Variants in IFT88 observed in about 807,000 individuals in gnomAD.
IFT88 encodes the protein intraflagellar transport protein 88 homolog.
Under a neutral mutation model 119.5 loss-of-function variants are expected in IFT88, and 74 were observed. That is an observed-to-expected ratio of 0.62 (90% CI 0.51 to 0.75). The LOEUF (loss-of-function observed/expected upper bound fraction) is 0.75. Ranked by LOEUF, IFT88 falls within the 30% of genes least tolerant of loss-of-function variation. The probability of loss-of-function intolerance (pLI) is 0.00; values close to 1 mark genes in which losing one functional copy is unlikely to be tolerated. For synonymous variants in IFT88, 279 were observed against 316.7 expected (o/e 0.88, Z 1.26); for missense variants, 961 against 977.7 (o/e 0.98, Z 0.23).
At chr13:20,626,250 T>C (rs574565900) in intron 15 of IFT88, among the ~76,000 whole-genome samples, 3 of 151,916 alleles carry the variant, frequency 2.0e-5, no homozygotes, top group East Asian at 1.9e-4. Flanking sequence ...TTAATACAGA[T>C]GGGGTTTCAC....
chr13:20,681,231 G>A (rs1050972340), intron 24 of IFT88, among the ~76,000 whole-genome samples: 1 of 152,232 alleles, frequency 6.6e-6, no homozygotes, highest in African/African-American at 2.4e-5. Context: ...TGACCGTGAA[G>A]CGTTGCAGAA....
chr13:20,675,774 T>G (rs774092983), intron 24 of IFT88, among the ~76,000 whole-genome samples: 8 of 152,374 alleles, frequency 5.3e-5, no homozygotes, highest in African/African-American at 1.9e-4. Flanking sequence ...TATATGAGTT[T>G]TATATGTCAC....
intron 16 of IFT88, 113 bp downstream of exon 16, chr13:20,631,215 G>A: frequency 1.4e-6 from 1 of 729,178 alleles, no homozygotes; most frequent in Non-Finnish European, 2.4e-6. Flanking sequence ...AGAATGGTAA[G>A]TGGACTGAGG....
chr13:20,641,436 C>A (rs759209476), intron 18 of IFT88, 38 bp downstream of exon 18: 9 of 1,216,374 alleles, frequency 7.4e-6, no homozygotes, highest in Non-Finnish European at 1.1e-5. Context: ...GTTATTAATT[C>A]TCTCAATTGG....
At chr13:20,643,788 C>T (rs947851259) in intron 19 of IFT88, among the ~76,000 whole-genome samples, 183 bp downstream of exon 19, 2 of 152,206 alleles carry the variant, frequency 1.3e-5, no homozygotes, top group Non-Finnish European at 2.9e-5. Context: ...GAGTCTTGCT[C>T]TGTCGCCCAG....
intron 17 of IFT88, among the ~76,000 whole-genome samples, chr13:20,638,968 A>G (rs2049445266): frequency 1.3e-5 from 2 of 152,296 alleles, no homozygotes; most frequent in South Asian, 4.1e-4. Context: ...ACATTTTGCC[A>G]TCTTTACTTC....
At chr13:20,623,563 C>G (rs943642713) in intron 14 of IFT88, among the ~76,000 whole-genome samples, 4 of 152,132 alleles carry the variant, frequency 2.6e-5, no homozygotes, top group African/African-American at 9.7e-5. Context: ...CAAGCTCCGC[C>G]TCCCGGGTTC....
chr13:20,578,034 C>CTTTTTTTTTTTTTTTTTTTTTTTT (rs57202566), intron 2 of IFT88, among the ~76,000 whole-genome samples: 1 of 55,872 alleles, frequency 1.8e-5, no homozygotes, highest in African/African-American at 6.5e-5. Context: ...CTTGTTACTT[C>CTTTTTTTTTTTTTTTTTTTTTTTT]TTTTTTTTTT....
chr13:20,584,058 A>G (rs1427041839), intron 3 of IFT88, among the ~76,000 whole-genome samples: 2 of 152,130 alleles, frequency 1.3e-5, no homozygotes, highest in African/African-American at 4.8e-5. Flanking sequence ...AAAATCAGGA[A>G]ATGTGAACCT....
At chr13:20,662,768 T>G (rs1043219627) in intron 22 of IFT88, among the ~76,000 whole-genome samples, 3 of 152,238 alleles carry the variant, frequency 2.0e-5, no homozygotes, top group Non-Finnish European at 4.4e-5. Flanking sequence ...TTGCATGTTT[T>G]TAAAATGTTG....
intron 3 of IFT88, among the ~76,000 whole-genome samples, chr13:20,587,840 G>A (rs901618134): frequency 7.3e-5 from 11 of 151,568 alleles, no homozygotes; most frequent in East Asian, 1.9e-4. Context: ...CAACTTTTCC[G>A]TATCAATTTA....
intron 20 of IFT88, 88 bp downstream of exon 20, chr13:20,645,046 A>G: frequency 1.7e-6 from 1 of 581,308 alleles, no homozygotes; most frequent in Non-Finnish European, 3.1e-6. Flanking sequence ...AGACCTAGTA[A>G]ATTCAAGAAC....
intron 24 of IFT88, among the ~76,000 whole-genome samples, chr13:20,690,024 T>C (rs2058327028): frequency 6.6e-6 from 1 of 152,186 alleles, no homozygotes; most frequent in African/African-American, 2.4e-5. Context: ...AGACTTACTA[T>C]TTTGGGTCAG....
At chr13:20,597,197 A>C in intron 9 of IFT88, 78 bp downstream of exon 9, 1 of 670,276 alleles carries the variant, frequency 1.5e-6, no homozygotes, top group Non-Finnish European at 2.4e-6. Flanking sequence ...TTTTTCTTTT[A>C]TTTTTAAAAT....
At chr13:20,577,117 T>G (rs1004264653) in intron 2 of IFT88, among the ~76,000 whole-genome samples, 10 of 152,248 alleles carry the variant, frequency 6.6e-5, no homozygotes, top group African/African-American at 2.4e-4. Context: ...TTAATTTTAT[T>G]CGTAGATATT....
chr13:20,624,868 C>G (rs563452649), intron 14 of IFT88, among the ~76,000 whole-genome samples: 1 of 152,074 alleles, frequency 6.6e-6, no homozygotes, highest in Non-Finnish European at 1.5e-5. Context: ...AAATCCTATG[C>G]ATTACCACAC....
intron 1 of IFT88, among the ~76,000 whole-genome samples, chr13:20,569,385 A>G (rs1018825658): frequency 6.6e-6 from 1 of 151,418 alleles, no homozygotes; most frequent in African/African-American, 2.4e-5. Context: ...CATCCTGGCT[A>G]ACACGGTGAA....
chr13:20,636,423 A>G (rs2049024947), intron 16 of IFT88, among the ~76,000 whole-genome samples: 2 of 152,174 alleles, frequency 1.3e-5, no homozygotes, highest in East Asian at 1.9e-4. Context: ...CCTGCAAACT[A>G]AACAGTTCTC....
At chr13:20,574,939 G>A (rs1830307784) in intron 2 of IFT88, among the ~76,000 whole-genome samples, 1 of 151,968 alleles carries the variant, frequency 6.6e-6, no homozygotes, top group Non-Finnish European at 1.5e-5. Context: ...GTTACATCAA[G>A]CATTTATCCT....
Sources: allele counts gnomAD v4.1 joint callset (sites outside exome capture counted in the v4.1 genomes callset), GRCh38; gene constraint gnomAD v4.1.1; transcripts MANE v1.5; gene names NCBI Gene and HGNC (gene_info 2026-07-23, HGNC 2026-07-21).